The following FBXL7 variants were observed in gnomAD, a reference collection of about 807,000 sequenced individuals.
The protein encoded by FBXL7 is F-box and leucine rich repeat protein 7, also known as F-box/LRR-repeat protein 7.
Under a neutral mutation model 38.3 loss-of-function variants are expected in FBXL7, and 12 were observed. The ratio of observed to expected loss-of-function variants is 0.31; its 90% CI spans 0.20 to 0.51. The LOEUF is 0.51. Ranked by LOEUF, FBXL7 falls within the 20% of genes least tolerant of loss-of-function variation. The pLI, the probability that FBXL7 is intolerant of heterozygous loss-of-function variation, is 0.98. For synonymous variants in FBXL7, 297 were observed against 300.9 expected (o/e 0.99, Z 0.13); for missense variants, 567 against 676.4 (o/e 0.84, Z 1.79).
At chr5:15,782,765 A>C (rs1737032077) in intron 2 of FBXL7, among the ~76,000 whole-genome samples, 1 of 152,006 alleles carries the variant, frequency 6.6e-6, no homozygotes, top group African/African-American at 2.4e-5. Flanking sequence ...AAGTGAAGGC[A>C]TTTTCTTGTG....
At chr5:15,800,226 A>T (rs2126740280) in intron 2 of FBXL7, among the ~76,000 whole-genome samples, 1 of 152,292 alleles carries the variant, frequency 6.6e-6, no homozygotes, top group African/African-American at 2.4e-5. Context: ...ATATGAAAGC[A>T]GGTGTCTGGT....
intron 2 of FBXL7, among the ~76,000 whole-genome samples, chr5:15,887,251 C>G (rs1392169726): frequency 1.3e-5 from 2 of 152,126 alleles, no homozygotes. Context: ...CAATGTTTCA[C>G]TCCTTATGTT....
intron 2 of FBXL7, among the ~76,000 whole-genome samples, chr5:15,795,911 A>G (rs1407780432): frequency 6.6e-6 from 1 of 152,224 alleles, no homozygotes; most frequent in African/African-American, 2.4e-5. Flanking sequence ...CTACATCTTA[A>G]AACTGGGAAT....
intron 2 of FBXL7, among the ~76,000 whole-genome samples, chr5:15,886,625 G>A (rs2126358289): frequency 6.6e-6 from 1 of 152,212 alleles, no homozygotes; most frequent in East Asian, 1.9e-4. Context: ...TCCTGAGGCT[G>A]GTTTATGGAT....
intron 2 of FBXL7, among the ~76,000 whole-genome samples, chr5:15,781,664 A>G (rs1232113428): frequency 1.3e-5 from 2 of 151,620 alleles, no homozygotes; most frequent in African/African-American, 4.8e-5. Flanking sequence ...TATTTGCACC[A>G]TAGTTTGATT....
chr5:15,922,726 C>A (rs535097256), intron 2 of FBXL7, among the ~76,000 whole-genome samples: 2 of 152,264 alleles, frequency 1.3e-5, no homozygotes, highest in East Asian at 3.9e-4. Flanking sequence ...ACCACTCATG[C>A]ATCTCACCGT....
intron 2 of FBXL7, among the ~76,000 whole-genome samples, chr5:15,692,857 G>A (rs1381313233): frequency 1.3e-5 from 2 of 152,172 alleles, no homozygotes; most frequent in African/African-American, 4.8e-5. Flanking sequence ...ATGAGGAAGG[G>A]AGAGAGTGGT....
intron 2 of FBXL7, among the ~76,000 whole-genome samples, chr5:15,872,108 C>T (rs1166079812): frequency 6.6e-6 from 1 of 152,166 alleles, no homozygotes; most frequent in Non-Finnish European, 1.5e-5. Context: ...ACCCTACAAG[C>T]CACAAGACAG....
intron 2 of FBXL7, among the ~76,000 whole-genome samples, chr5:15,885,671 A>T (rs1740646157): frequency 6.6e-6 from 1 of 152,190 alleles, no homozygotes; most frequent in South Asian, 2.1e-4. Flanking sequence ...CATATGTATA[A>T]GTCGCACTGG....
chr5:15,527,067 G>A (rs986695208), intron 1 of FBXL7, among the ~76,000 whole-genome samples: 1 of 152,192 alleles, frequency 6.6e-6, no homozygotes, highest in Non-Finnish European at 1.5e-5. Context: ...CACCCATGGT[G>A]ACTTGTCCTT....
chr5:15,775,204 T>C (rs1011753913), intron 2 of FBXL7, among the ~76,000 whole-genome samples: 1 of 152,198 alleles, frequency 6.6e-6, no homozygotes, highest in Non-Finnish European at 1.5e-5. Flanking sequence ...AGGGAAGATG[T>C]AGTAATAAAA....
Position 15,806,126 on chromosome 5 carries a change from T to C in FBXL7, c.128-121764T>C, listed in dbSNP as rs1055555986. ...TGAAGAAGGACAAAATGACTTAAAC[T>C]ACACATGGAACAATTTAACAGAAAT... On this transcript the variant is annotated intron_variant, in intron 2 of 3. Transcript: ENST00000504595. Among the ~76,000 whole-genome samples the C allele has an allele frequency of 3.3e-5, 5 of 152,336 alleles. No individual in the cohort carries two copies. The East Asian group carries it at 9.7e-4, about 29-fold the overall frequency.
chr5:15,861,661 T>A (rs541388753), intron 2 of FBXL7, among the ~76,000 whole-genome samples: 1 of 152,288 alleles, frequency 6.6e-6, no homozygotes, highest in South Asian at 2.1e-4. Flanking sequence ...AGCAGGGATA[T>A]GAACAGAAGA....
intron 2 of FBXL7, among the ~76,000 whole-genome samples, chr5:15,648,574 C>G (rs1250972415): frequency 6.6e-6 from 1 of 152,208 alleles, no homozygotes. Context: ...ATTCACAGTG[C>G]CAAGCGGATC....
At chr5:15,615,180 T>C (rs1211674807) in intron 1 of FBXL7, among the ~76,000 whole-genome samples, 1 of 152,232 alleles carries the variant, frequency 6.6e-6, no homozygotes, top group Non-Finnish European at 1.5e-5. Flanking sequence ...GTAATATTAA[T>C]GTATATGATT....
chr5:15,832,145 T>C (rs1440129628), intron 2 of FBXL7, among the ~76,000 whole-genome samples: 1 of 152,202 alleles, frequency 6.6e-6, no homozygotes, highest in African/African-American at 2.4e-5. Context: ...TTAAAGAGTC[T>C]TGTTTCTACT....
chr5:15,698,299 C>T (rs1430244636), intron 2 of FBXL7, among the ~76,000 whole-genome samples: 2 of 152,162 alleles, frequency 1.3e-5, no homozygotes, highest in Admixed American at 6.5e-5. Context: ...ACATAAGTCA[C>T]GTATCTTTAA....
intron 2 of FBXL7, among the ~76,000 whole-genome samples, chr5:15,823,946 C>T (rs1238025059): frequency 3.3e-5 from 5 of 152,126 alleles, no homozygotes; most frequent in African/African-American, 1.2e-4. Context: ...GAACGAGAAT[C>T]CTAGCACTTG....
intron 2 of FBXL7, among the ~76,000 whole-genome samples, chr5:15,828,863 T>C (rs1738381813): frequency 6.6e-6 from 1 of 152,214 alleles, no homozygotes; most frequent in Non-Finnish European, 1.5e-5. Flanking sequence ...TTTGTCAACC[T>C]ACAGGAAACA....
Sources: gnomAD v4.1 joint callset for allele counts (sites outside exome capture counted in the v4.1 genomes callset) on GRCh38, gnomAD v4.1.1 for gene constraint, MANE v1.5 for transcripts, NCBI Gene and HGNC (gene_info 2026-07-23, HGNC 2026-07-21) for gene names.